MACROD2: variants seen among roughly 807,000 people sequenced by gnomAD.
The protein encoded by MACROD2 is ADP-ribose glycohydrolase MACROD2.
MACROD2 carries 36 observed loss-of-function variants against 70.4 expected under a neutral mutation model. The ratio of observed to expected loss-of-function variants is 0.51; its 90% CI spans 0.39 to 0.68. The LOEUF is 0.68. Ranked by LOEUF, MACROD2 falls within the 30% of genes least tolerant of loss-of-function variation. The pLI, the probability that MACROD2 is intolerant of heterozygous loss-of-function variation, is 0.00. For synonymous variants in MACROD2, 172 were observed against 178.8 expected (o/e 0.96, Z 0.30); for missense variants, 496 against 538.4 (o/e 0.92, Z 0.78).
At position 14,390,827 on chromosome 20, in the gene MACROD2, CTT is replaced by C. The variant is rs369252516; in HGVS notation, c.272-102649_272-102648del. On this transcript the variant is annotated intron_variant, in intron 3 of 17. Transcript: ENST00000684519. ...CATGAGCAAAGGACAGGAATAGACA[CTT>C]TTCAAAAGAAGACATACATGCAACC... 6.7e-3 allele frequency among the ~76,000 whole-genome samples: 1,019 copies of C among 152,266 alleles called. 8 individuals carry two copies. Among genetic ancestry groups the C allele is most frequent in the African/African-American group, 0.023 (941 of 41,542 alleles).
rs537611254 is a variant in MACROD2 at position 14,766,926 on chromosome 20, A to C, written c.418+81967A>C. Among the ~76,000 whole-genome samples the C allele has an allele frequency of 1.3e-3, 199 of 152,272 alleles. 6 individuals are homozygous for C. The highest frequency in any genetic ancestry group is 4.6e-3 in the African/African-American group (193 of 41,526). ...TATCAGTTTAACTGGACTATAAATG[A>C]TACTTAAATATTTCCCAGTAAGCCG... On this transcript the variant is annotated intron_variant, in intron 5 of 17. Coordinates refer to ENST00000684519, the MANE Select transcript of MACROD2 (RefSeq NM_001351661.2).
At chr20:14,080,785 A>G (rs1179346275) in intron 2 of MACROD2, among the ~76,000 whole-genome samples, 1 of 152,058 alleles carries the variant, frequency 6.6e-6, no homozygotes, top group Non-Finnish European at 1.5e-5. Flanking sequence ...ATAGCCTACT[A>G]CAAGTTTCCA....
At chr20:15,021,019 T>C (rs560547305) in intron 5 of MACROD2, among the ~76,000 whole-genome samples, 7 of 147,324 alleles carry the variant, frequency 4.8e-5, no homozygotes, top group South Asian at 4.3e-4. Context: ...TGTGTATATG[T>C]ATACACATGT....
chr20:14,303,192 G>T (rs918815891), intron 3 of MACROD2, among the ~76,000 whole-genome samples: 2 of 152,092 alleles, frequency 1.3e-5, no homozygotes, highest in Non-Finnish European at 2.9e-5. Flanking sequence ...GGGTCACATA[G>T]CTTTGCTATG....
chr20:15,579,466 T>C (rs937142886), intron 8 of MACROD2, among the ~76,000 whole-genome samples: 3 of 152,204 alleles, frequency 2.0e-5, no homozygotes, highest in Admixed American at 6.5e-5. Context: ...CACACTCATT[T>C]TGTCAAGCAG....
intron 8 of MACROD2, among the ~76,000 whole-genome samples, chr20:15,818,995 G>C (rs1422594868): frequency 6.6e-6 from 1 of 151,820 alleles, no homozygotes; most frequent in Non-Finnish European, 1.5e-5. Flanking sequence ...GGAGAAGCAG[G>C]GATTCAAAAG....
At chr20:14,179,654 A>G (rs955288127) in intron 3 of MACROD2, among the ~76,000 whole-genome samples, 6 of 152,190 alleles carry the variant, frequency 3.9e-5, no homozygotes, top group Admixed American at 3.9e-4. Flanking sequence ...ATTAAAACAC[A>G]ATAGACATAT....
rs1160036180 is a variant in MACROD2 at position 14,670,508 on chromosome 20, T to C, written c.302-14335T>C. ...ACCCACTCTGGCATTGTCTTTACAA[T>C]GTTTCGTCAGATCAGAATTTCCCAG... On this transcript the variant is annotated intron_variant, in intron 4 of 17. Transcript: ENST00000684519. Among the ~76,000 whole-genome samples, 4 of 152,178 alleles carry C rather than the reference T, an allele frequency of 2.6e-5. No homozygotes were observed. The East Asian group carries it at 7.7e-4, about 29-fold the overall frequency.
At chr20:15,834,608 C>T (rs943122933) in intron 8 of MACROD2, among the ~76,000 whole-genome samples, 6 of 152,048 alleles carry the variant, frequency 3.9e-5, no homozygotes, top group South Asian at 2.1e-4. Flanking sequence ...TGTTTATTAT[C>T]GACTGACTCC....
At chr20:14,451,503 T>C (rs1361840378) in intron 3 of MACROD2, among the ~76,000 whole-genome samples, 2 of 152,154 alleles carry the variant, frequency 1.3e-5, no homozygotes. Flanking sequence ...TCACTAGAGC[T>C]TAATCCCACT....
At chr20:15,989,300 C>G (rs191050890) in intron 15 of MACROD2, among the ~76,000 whole-genome samples, 1 of 152,162 alleles carries the variant, frequency 6.6e-6, no homozygotes, top group Admixed American at 6.5e-5. Context: ...ACAACTGGTT[C>G]TATCCATTTG....
chr20:15,275,205 A>C (rs1018516856), intron 6 of MACROD2, among the ~76,000 whole-genome samples: 1 of 152,294 alleles, frequency 6.6e-6, no homozygotes, highest in African/African-American at 2.4e-5. Flanking sequence ...TTAAAAACCA[A>C]ACTAAACCAC....
At chr20:14,012,777 A>G (rs2052931160) in intron 2 of MACROD2, among the ~76,000 whole-genome samples, 1 of 152,234 alleles carries the variant, frequency 6.6e-6, no homozygotes, top group African/African-American at 2.4e-5. Flanking sequence ...TTGGAGAGAC[A>G]GACTGTTTAC....
At chr20:15,247,006 G>T (rs994206200) in intron 6 of MACROD2, among the ~76,000 whole-genome samples, 6 of 152,192 alleles carry the variant, frequency 3.9e-5, no homozygotes, top group African/African-American at 1.4e-4. Context: ...ACAGAGAGTA[G>T]ATTAACGGTT....
At chr20:14,239,676 A>G (rs1325785572) in intron 3 of MACROD2, among the ~76,000 whole-genome samples, 1 of 152,220 alleles carries the variant, frequency 6.6e-6, no homozygotes, top group Non-Finnish European at 1.5e-5. Context: ...CATATACAAA[A>G]ATCAACTCAA....
intron 5 of MACROD2, among the ~76,000 whole-genome samples, chr20:15,115,784 G>A (rs1379311548): frequency 2.6e-5 from 4 of 152,186 alleles, no homozygotes; most frequent in East Asian, 1.9e-4. Flanking sequence ...TGTATGTAGC[G>A]ATGAAAACAT....
chr20:14,066,220 T>C (rs2148658433), intron 2 of MACROD2, among the ~76,000 whole-genome samples: 1 of 152,356 alleles, frequency 6.6e-6, no homozygotes, highest in South Asian at 2.1e-4. Context: ...TTGTGCTTTA[T>C]TATGTGAATT....
intron 15 of MACROD2, among the ~76,000 whole-genome samples, chr20:16,019,362 G>A (rs2066971057): frequency 6.6e-6 from 1 of 152,172 alleles, no homozygotes; most frequent in Non-Finnish European, 1.5e-5. Flanking sequence ...GCTGGGACCT[G>A]CAGTGTGAGT....
intron 5 of MACROD2, among the ~76,000 whole-genome samples, chr20:14,820,744 G>A (rs2072834833): frequency 6.6e-6 from 1 of 151,942 alleles, no homozygotes; most frequent in Non-Finnish European, 1.5e-5. Context: ...TAAGGATTTA[G>A]AGTATTATGC....
Sources: allele counts gnomAD v4.1 joint callset (sites outside exome capture counted in the v4.1 genomes callset), GRCh38; gene constraint gnomAD v4.1.1; transcripts MANE v1.5; gene names NCBI Gene and HGNC (gene_info 2026-07-23, HGNC 2026-07-21).